LARS2: variants seen among roughly 807,000 people sequenced by gnomAD.
The protein encoded by LARS2 is leucine--tRNA ligase, mitochondrial.
Under a neutral mutation model 116.6 loss-of-function variants are expected in LARS2, and 81 were observed. The ratio of observed to expected loss-of-function variants is 0.69; its 90% CI spans 0.58 to 0.84. The LOEUF is 0.84. LARS2 is among the 40% of genes least tolerant of loss of function. The pLI is 0.00. For missense variants in LARS2, 968 were observed against 1,114.5 expected, an observed-to-expected ratio of 0.87 and a Z score of 1.87; for synonymous variants, 396 against 407.2, an observed-to-expected ratio of 0.97 and a Z score of 0.33.
chr3:45,531,086 G>A (rs1221730731), intron 20 of LARS2, among the ~76,000 whole-genome samples: 1 of 152,128 alleles, frequency 6.6e-6, no homozygotes, highest in Non-Finnish European at 1.5e-5. Flanking sequence ...GACTGATAAT[G>A]GCTGGCATAT....
chr3:45,514,922 CT>C (rs1700349893), intron 16 of LARS2, among the ~76,000 whole-genome samples: 2 of 152,218 alleles, frequency 1.3e-5, no homozygotes, highest in African/African-American at 2.4e-5. Flanking sequence ...TTGTGAACAT[CT>C]TTTCCCTTCC....
At chr3:45,452,365 A>T (rs1262546478) in intron 7 of LARS2, among the ~76,000 whole-genome samples, 1 of 148,194 alleles carries the variant, frequency 6.7e-6, no homozygotes, top group African/African-American at 2.5e-5. Flanking sequence ...TGTTCCTACT[A>T]TACCCGATTT....
chr3:45,425,437 G>T (rs1346451381), intron 6 of LARS2, among the ~76,000 whole-genome samples: 1 of 152,196 alleles, frequency 6.6e-6, no homozygotes, highest in Non-Finnish European at 1.5e-5. Flanking sequence ...GGCTAAGAGA[G>T]ATTTAGAGTG....
intron 4 of LARS2, among the ~76,000 whole-genome samples, chr3:45,415,107 C>G (rs950041233): frequency 6.6e-6 from 1 of 152,180 alleles, no homozygotes; most frequent in African/African-American, 2.4e-5. Flanking sequence ...ACTGGCCACT[C>G]ATTTGCAGAC....
At chr3:45,410,242 C>T (rs1016345862) in intron 4 of LARS2, among the ~76,000 whole-genome samples, 1 of 151,748 alleles carries the variant, frequency 6.6e-6, no homozygotes, top group East Asian at 1.9e-4. Flanking sequence ...GGAAGCTGCT[C>T]AGGTGTTGTC....
chr3:45,535,053 A>T (rs958428261), intron 20 of LARS2, among the ~76,000 whole-genome samples: 2 of 152,172 alleles, frequency 1.3e-5, no homozygotes, highest in African/African-American at 4.8e-5. Flanking sequence ...GGTCAACAGT[A>T]AAAGAGCAGA....
intron 6 of LARS2, among the ~76,000 whole-genome samples, chr3:45,426,480 C>T (rs370865289): frequency 2.6e-5 from 4 of 152,116 alleles, no homozygotes; most frequent in Admixed American, 1.3e-4. Context: ...TTAACCTTTT[C>T]CTGAAGGTTT....
intron 3 of LARS2, among the ~76,000 whole-genome samples, chr3:45,397,685 C>T (rs1480995924): frequency 1.3e-5 from 2 of 152,136 alleles, no homozygotes. Context: ...GTTTTCCTAG[C>T]TCCCAAAGAA....
chr3:45,526,658 C>T (rs1281913962), intron 20 of LARS2, among the ~76,000 whole-genome samples: 4 of 152,038 alleles, frequency 2.6e-5, no homozygotes, highest in East Asian at 3.9e-4. Context: ...TCGGGCACAG[C>T]GTGTCTCCAA....
intron 4 of LARS2, among the ~76,000 whole-genome samples, chr3:45,401,505 A>T (rs1367214511): frequency 6.6e-6 from 1 of 152,150 alleles, no homozygotes; most frequent in Non-Finnish European, 1.5e-5. Flanking sequence ...ACTATCTTAA[A>T]AAAAAAAGAA....
Position 45,424,714 on chromosome 3 carries a change from G to A in LARS2, c.516+4985G>A, listed in dbSNP as rs9864525. Among the ~76,000 whole-genome samples the A allele has an allele frequency of 2.4e-3, 370 of 151,926 alleles. 5 individuals are homozygous for A. Among genetic ancestry groups the A allele is most frequent in the African/African-American group, 8.5e-3 (352 of 41,402 alleles). ...TTGCCCTTGCCATTTTCCATTTTTCGTCAGAGTGTATCTCAGTGTCAATTT... is the reference window on the plus strand; with the variant it reads ...TTGCCCTTGCCATTTTCCATTTTTCATCAGAGTGTATCTCAGTGTCAATTT... On this transcript the variant is annotated intron_variant, in intron 6 of 21. Coordinates refer to ENST00000645846, the MANE Select transcript of LARS2 (RefSeq NM_015340.4).
chr3:45,474,032 G>A (rs920988045), intron 8 of LARS2, among the ~76,000 whole-genome samples: 2 of 152,048 alleles, frequency 1.3e-5, no homozygotes, highest in Admixed American at 6.6e-5. Context: ...CAGCGAAATC[G>A]GTCAAACCCA....
At chr3:45,438,466 G>A (rs538572737) in intron 6 of LARS2, among the ~76,000 whole-genome samples, 3 of 151,998 alleles carry the variant, frequency 2.0e-5, no homozygotes, top group Non-Finnish European at 2.9e-5. Context: ...AGACCACTGC[G>A]GGAATGGTCT....
chr3:45,531,967 A>AT (rs1443872496), intron 20 of LARS2, among the ~76,000 whole-genome samples: 6 of 152,168 alleles, frequency 3.9e-5, no homozygotes, highest in Admixed American at 3.9e-4. Context: ...TTATTTGCAT[A>AT]TTTGTTTTCT....
intron 19 of LARS2, among the ~76,000 whole-genome samples, chr3:45,523,174 T>A (rs1302533557): frequency 6.6e-6 from 1 of 152,190 alleles, no homozygotes; most frequent in East Asian, 1.9e-4. Context: ...ATTCCGGAAT[T>A]TGGGAAGTCC....
intron 11 of LARS2, among the ~76,000 whole-genome samples, chr3:45,486,016 T>TAAA (rs1553634599): frequency 1.3e-5 from 2 of 151,938 alleles, no homozygotes; most frequent in East Asian, 3.9e-4. Context: ...CTACTGAGAA[T>TAAA]AAGAAGTATC....
At chr3:45,453,956 C>T (rs1304846677) in intron 7 of LARS2, among the ~76,000 whole-genome samples, 4 of 151,744 alleles carry the variant, frequency 2.6e-5, no homozygotes, top group African/African-American at 9.7e-5. Flanking sequence ...ATATGCTGGC[C>T]AAGAGACAAA....
chr3:45,433,535 T>C (rs913113098), intron 6 of LARS2, among the ~76,000 whole-genome samples: 18 of 152,170 alleles, frequency 1.2e-4, no homozygotes, highest in African/African-American at 4.3e-4. Flanking sequence ...CTTTACTTAC[T>C]CTTTCCCATT....
chr3:45,394,971 C>T (rs926831683), intron 3 of LARS2, among the ~76,000 whole-genome samples: 2 of 152,054 alleles, frequency 1.3e-5, no homozygotes, highest in African/African-American at 2.4e-5. Flanking sequence ...AGTAATATTG[C>T]GCACGAGGTG....
Sources: allele counts gnomAD v4.1 joint callset (sites outside exome capture counted in the v4.1 genomes callset), GRCh38; gene constraint gnomAD v4.1.1; transcripts MANE v1.5; gene names NCBI Gene and HGNC (gene_info 2026-07-23, HGNC 2026-07-21).